Variants in ZNG1E observed in about 807,000 individuals in gnomAD.
The protein encoded by ZNG1E is Zn regulated GTPase metalloprotein activator 1E.
chr9:65,692,902 CA>C, the ZNG1E span, among the ~76,000 whole-genome samples: 1 of 135,756 alleles, frequency 7.4e-6, no homozygotes, highest in East Asian at 2.3e-4. Context: ...GATTCAACCC[CA>C]ATATTGGTAA....
At chr9:65,694,386 A>G in the ZNG1E span, among the ~76,000 whole-genome samples, 7 of 148,992 alleles carry the variant, frequency 4.7e-5, no homozygotes, top group Admixed American at 4.1e-4. Flanking sequence ...TTATATGTAT[A>G]GTTGGGTATG....
chr9:65,707,079 C>T, the ZNG1E span: 16 of 97,588 alleles, frequency 1.6e-4, 1 homozygote, highest in Admixed American at 7.8e-4. Flanking sequence ...GGTGCGATCT[C>T]GGCTCACTGA....
chr9:65,675,598 C>T, the ZNG1E span, among the ~76,000 whole-genome samples: 1 of 149,106 alleles, frequency 6.7e-6, no homozygotes, highest in African/African-American at 2.6e-5. Flanking sequence ...GTCAGGTTAC[C>T]CACTCCAGAT....
At chr9:65,669,482 A>C in the ZNG1E span, among the ~76,000 whole-genome samples, 1 of 150,486 alleles carries the variant, frequency 6.6e-6, no homozygotes, top group East Asian at 1.9e-4. Flanking sequence ...TACACCATAC[A>C]TCATTGCAAA....
the ZNG1E span, among the ~76,000 whole-genome samples, chr9:65,667,088 T>G: frequency 1.3e-5 from 2 of 152,274 alleles, no homozygotes; most frequent in Non-Finnish European, 2.9e-5. Context: ...CCCAAAGTGC[T>G]GGGATTACAC....
the ZNG1E span, among the ~76,000 whole-genome samples, chr9:65,664,331 G>A: frequency 0.01 from 1,497 of 147,400 alleles, no homozygotes; most frequent in African/African-American, 0.036. Flanking sequence ...GGGGGGACCC[G>A]GTGGGAGGTA....
chr9:65,659,514 AGAG>A, the ZNG1E span, among the ~76,000 whole-genome samples: 11 of 150,150 alleles, frequency 7.3e-5, no homozygotes, highest in East Asian at 7.8e-4. Flanking sequence ...AAAAAAAAAA[AGAG>A]AGAGAAAAGA....
At chr9:65,706,074 A>G in the ZNG1E span, among the ~76,000 whole-genome samples, 4 of 147,788 alleles carry the variant, frequency 2.7e-5, no homozygotes, top group Admixed American at 1.4e-4. Context: ...TGAGCTATCT[A>G]CTGTCAATTT....
At chr9:65,693,999 A>G in the ZNG1E span, among the ~76,000 whole-genome samples, 31 of 143,446 alleles carry the variant, frequency 2.2e-4, no homozygotes, top group East Asian at 1.5e-3. Context: ...GAGTGCCCTA[A>G]TTTGAAAAGT....
the ZNG1E span, among the ~76,000 whole-genome samples, chr9:65,663,065 A>G: frequency 6.6e-6 from 1 of 152,246 alleles, no homozygotes; most frequent in South Asian, 2.1e-4. Context: ...CCAGCCAGGT[A>G]GGGCAAAGGC....
chr9:65,667,533 C>A, the ZNG1E span, among the ~76,000 whole-genome samples: 1 of 152,280 alleles, frequency 6.6e-6, no homozygotes, highest in Non-Finnish European at 1.5e-5. Flanking sequence ...TATTATTAAA[C>A]ATACAAGCTA....
At chr9:65,668,617 A>G in the ZNG1E span, among the ~76,000 whole-genome samples, 1 of 143,616 alleles carries the variant, frequency 7.0e-6, no homozygotes, top group African/African-American at 2.5e-5. Flanking sequence ...TGTAACCTCA[A>G]ACTCCTAGGC....
At chr9:65,717,589 G>T in the ZNG1E span, among the ~76,000 whole-genome samples, 3 of 149,738 alleles carry the variant, frequency 2.0e-5, 1 homozygote, top group South Asian at 6.3e-4. Context: ...TTAATTTGAT[G>T]CTGTGGGCAG....
the ZNG1E span, among the ~76,000 whole-genome samples, chr9:65,699,848 CTCT>C: frequency 1.5e-5 from 2 of 137,534 alleles, no homozygotes; most frequent in Non-Finnish European, 3.1e-5. Flanking sequence ...AGTAGGTAAA[CTCT>C]TCTTCTTTTT....
the ZNG1E span, among the ~76,000 whole-genome samples, chr9:65,662,669 A>G: frequency 1.7e-4 from 26 of 151,682 alleles, no homozygotes; most frequent in Admixed American, 1.3e-4. Flanking sequence ...CATTGCTTAG[A>G]AAGCAAGTAA....
the ZNG1E span, among the ~76,000 whole-genome samples, chr9:65,663,906 T>C: frequency 6.6e-6 from 1 of 152,190 alleles, no homozygotes; most frequent in East Asian, 1.9e-4. Flanking sequence ...GTTCATGTTA[T>C]TGCAAGGGTG....
chr9:65,720,156 G>T, the ZNG1E span: 2 of 1,525,802 alleles, frequency 1.3e-6, no homozygotes, highest in Non-Finnish European at 1.8e-6. Context: ...TCTTTAACTA[G>T]ATAGGCTATG....
At chr9:65,681,094 C>A in the ZNG1E span, among the ~76,000 whole-genome samples, 1 of 150,956 alleles carries the variant, frequency 6.6e-6, no homozygotes, top group African/African-American at 2.5e-5. Flanking sequence ...GGCCAAAAAC[C>A]TTCCTTAGGA....
chr9:65,680,054 G>T, the ZNG1E span, among the ~76,000 whole-genome samples: 1 of 152,224 alleles, frequency 6.6e-6, no homozygotes, highest in African/African-American at 2.4e-5. Flanking sequence ...GAAAATAAGT[G>T]TGCTTAACTT....
Sources: gnomAD v4.1 joint callset for allele counts (sites outside exome capture counted in the v4.1 genomes callset) on GRCh38, gnomAD v4.1.1 for gene constraint, MANE v1.5 for transcripts, NCBI Gene and HGNC (gene_info 2026-07-23, HGNC 2026-07-21) for gene names.